BMPR2: variants seen among roughly 807,000 people sequenced by gnomAD.
BMPR2 encodes the protein bone morphogenetic protein receptor type-2.
A neutral mutation model predicts 100.8 loss-of-function variants in BMPR2; 29 were observed. That is an observed-to-expected ratio of 0.29 (90% CI 0.21 to 0.39). The LOEUF (loss-of-function observed/expected upper bound fraction) is 0.39. BMPR2 is among the 10% of genes least tolerant of loss of function. BMPR2 has a pLI of 1.00. For missense variants in BMPR2, 1,011 were observed against 1,274.5 expected, an observed-to-expected ratio of 0.79 and a Z score of 3.15; for synonymous variants, 382 against 442.3, an observed-to-expected ratio of 0.86 and a Z score of 1.71.
chr2:202,395,929 CT>C (rs1251191190), intron 1 of BMPR2, among the ~76,000 whole-genome samples: 1 of 151,934 alleles, frequency 6.6e-6, no homozygotes, highest in East Asian at 1.9e-4. Flanking sequence ...AAGAGTGAAA[CT>C]CCATCTCAAA....
intron 3 of BMPR2, among the ~76,000 whole-genome samples, chr2:202,469,293 GC>G (rs1692388438): frequency 6.6e-6 from 1 of 151,942 alleles, no homozygotes; most frequent in Admixed American, 6.6e-5. Flanking sequence ...CTCCCAAAGT[GC>G]TGGGATTACA....
chr2:202,524,038 G>A (rs773607712), intron 7 of BMPR2, among the ~76,000 whole-genome samples: 5 of 151,428 alleles, frequency 3.3e-5, no homozygotes, highest in African/African-American at 1.2e-4. Flanking sequence ...CTACTAGAGT[G>A]GGGAGAGAGG....
chr2:202,386,744 G>A (rs900299146), intron 1 of BMPR2, among the ~76,000 whole-genome samples: 2 of 151,304 alleles, frequency 1.3e-5, no homozygotes, highest in African/African-American at 2.4e-5. Context: ...ACAGTGGCGC[G>A]ATCTCGGCTC....
chr2:202,393,886 A>AGCGAGAGC (rs1185291826), intron 1 of BMPR2, among the ~76,000 whole-genome samples: 3 of 40,544 alleles, frequency 7.4e-5, no homozygotes, highest in African/African-American at 3.9e-4. Flanking sequence ...AGAGAGCGAG[A>AGCGAGAGC]GAGAGAGAGA....
intron 1 of BMPR2, among the ~76,000 whole-genome samples, chr2:202,431,351 C>T (rs563147515): frequency 4.2e-4 from 64 of 150,746 alleles, no homozygotes; most frequent in Non-Finnish European, 7.8e-4. Context: ...GAGAGTAATA[C>T]AAACATAGGT....
chr2:202,453,428 G>T (rs1692028822), intron 1 of BMPR2, among the ~76,000 whole-genome samples: 1 of 152,066 alleles, frequency 6.6e-6, no homozygotes, highest in Non-Finnish European at 1.5e-5. Flanking sequence ...ATCAACAGGT[G>T]AATGAATAAA....
intron 7 of BMPR2, 102 bp from the exon 8 acceptor site, chr2:202,530,688 AAATT>A (rs1688006433): frequency 2.9e-6 from 3 of 1,044,584 alleles, no homozygotes; most frequent in Non-Finnish European, 4.1e-6. Context: ...TGTTATTAGA[AAATT>A]AATGGGCAGA....
At chr2:202,417,091 C>A (rs897377392) in intron 1 of BMPR2, among the ~76,000 whole-genome samples, 5 of 152,106 alleles carry the variant, frequency 3.3e-5, no homozygotes, top group African/African-American at 1.2e-4. Context: ...CCGCCTTGGC[C>A]TCCCAAAATG....
chr2:202,414,568 A>G (rs540736596), intron 1 of BMPR2, among the ~76,000 whole-genome samples: 1 of 152,252 alleles, frequency 6.6e-6, no homozygotes, highest in Non-Finnish European at 1.5e-5. Context: ...ATGCAAAGGA[A>G]AAGTTCTTGA....
chr2:202,458,862 A>T (rs1329264971), intron 1 of BMPR2, among the ~76,000 whole-genome samples: 1 of 152,196 alleles, frequency 6.6e-6, no homozygotes, highest in East Asian at 1.9e-4. Flanking sequence ...TTATAGAGTT[A>T]GTTTGAAAAG....
rs1693014376 is a variant in BMPR2, at chr2:202,495,829, G to A, written c.419-17890G>A. 6.6e-6 allele frequency among the ~76,000 whole-genome samples: 1 copy of A among 152,156 alleles called. No individual in the cohort carries two copies. Among genetic ancestry groups the A allele is most frequent in the Non-Finnish European group, 1.5e-5 (1 of 68,028 alleles). On this transcript the variant is annotated intron_variant, in intron 3 of 12. Transcript: ENST00000374580. The surrounding 1 kb of genome is among the most constrained non-coding windows in gnomAD (Gnocchi z 4.5). ...GAATTAATGAATGTTTAATGTAAAA[G>A]TTTTGTTAAATTTTCTTTTATAAAT...
intron 3 of BMPR2, among the ~76,000 whole-genome samples, chr2:202,496,250 G>A (rs994135481): frequency 1.1e-4 from 16 of 152,186 alleles, no homozygotes; most frequent in African/African-American, 3.9e-4. Context: ...ACTTTGGGAG[G>A]CCAGGACAGG....
intron 3 of BMPR2, among the ~76,000 whole-genome samples, chr2:202,473,849 G>C (rs1462951769): frequency 6.6e-6 from 1 of 151,890 alleles, no homozygotes. Flanking sequence ...GCTCATGCCT[G>C]TAATCCCAGC....
intron 8 of BMPR2, 91 bp downstream of exon 8, chr2:202,531,045 G>GT: frequency 6.7e-7 from 1 of 1,493,634 alleles, no homozygotes; most frequent in Non-Finnish European, 9.2e-7. Flanking sequence ...GCTCACGCCT[G>GT]TAATCCCAGC....
rs1688686122 is a variant in BMPR2, at chr2:202,562,080, A to G, written c.*2134A>G. 1 of 152,088 alleles carries G rather than the reference A, an allele frequency of 6.6e-6. No individual in the cohort carries two copies. The highest frequency in any genetic ancestry group is 2.4e-5 in the African/African-American group (1 of 41,430). The allele number at this position is 152,088 out of a possible 1,614,324, so 9.4% of individuals were successfully genotyped here. ...TCTCTTGCCCTTAAATATCTTTCAC[A>G]TGCATTTTAGGATATTCTTTTCAAA... On this transcript the variant is annotated 3_prime_UTR_variant, in exon 13 of 13. Coordinates refer to ENST00000374580, the MANE Select transcript of BMPR2 (RefSeq NM_001204.7).
chr2:202,439,708 C>T (rs941951505), intron 1 of BMPR2, among the ~76,000 whole-genome samples: 1 of 149,156 alleles, frequency 6.7e-6, no homozygotes, highest in African/African-American at 2.6e-5. Flanking sequence ...AGTTTTTCAC[C>T]ATTAAGTATG....
rs556841054 is a variant in BMPR2 at position 202,503,679 on chromosome 2, C to G, written c.419-10040C>G. 1.3e-5 allele frequency among the ~76,000 whole-genome samples: 2 copies of G among 152,192 alleles called. No homozygotes were observed. The highest frequency in any genetic ancestry group is 4.8e-5 in the African/African-American group (2 of 41,448). On this transcript the variant is annotated intron_variant, in intron 3 of 12. Coordinates refer to ENST00000374580, the MANE Select transcript of BMPR2 (RefSeq NM_001204.7). This position sits in a 1 kb window ranked among gnomAD's most constrained non-coding sequence, Gnocchi z 4.0. ...CCCCTCCATGGGCCCCTGTGCGGCC[C>G]GAGCCTCCCTGATGAGTGCCGCCCC... is the stretch of plus-strand genomic sequence containing the variant.
rs1333470880 is a variant in BMPR2, at chr2:202,535,137, C to T, written c.1276+2405C>T. ...GGCGGCTGGCCGGGCGGGGGGCTGA[C>T]CCCCCCACCTCCCTCCCGGATGGGG... On this transcript the variant is annotated intron_variant, in intron 9 of 12. Transcript: ENST00000374580. 1.0e-3 allele frequency among the ~76,000 whole-genome samples: 142 copies of T among 136,234 alleles called. 1 individual carries two copies. Among genetic ancestry groups the T allele is most frequent in the African/African-American group, 4.1e-3 (123 of 29,994 alleles). The allele number at this position is 136,234 out of a possible 152,430, so 89.4% of individuals were successfully genotyped here. A position where few individuals can be genotyped will look rare whatever the true frequency, so the allele number is the denominator to read the frequency against.
At chr2:202,506,266 C>G (rs1437975857) in intron 3 of BMPR2, among the ~76,000 whole-genome samples, 1 of 152,038 alleles carries the variant, frequency 6.6e-6, no homozygotes. Context: ...AAGTGATTCT[C>G]CTGCCTCAGC....
Sources: gnomAD v4.1 joint callset for allele counts (sites outside exome capture counted in the v4.1 genomes callset) on GRCh38, gnomAD v4.1.1 for gene constraint, Gnocchi (gnomAD v3.1) non-coding constraint, MANE v1.5 for transcripts, NCBI Gene and HGNC (gene_info 2026-07-23, HGNC 2026-07-21) for gene names.